Variants in CNTN4 observed in about 807,000 individuals in gnomAD.
CNTN4 encodes contactin 4.
Under a neutral mutation model 122.5 loss-of-function variants are expected in CNTN4, and 77 were observed. That is an observed-to-expected ratio of 0.63 (90% CI 0.52 to 0.76). The LOEUF (loss-of-function observed/expected upper bound fraction) is 0.76, where lower values mean the gene tolerates loss of function less well. Ranked by LOEUF, CNTN4 falls within the 30% of genes least tolerant of loss-of-function variation. The probability of loss-of-function intolerance (pLI) is 0.00; values close to 1 mark genes in which losing one functional copy is unlikely to be tolerated. For synonymous variants in CNTN4, 512 were observed against 447.0 expected (o/e 1.15, Z -1.83); for missense variants, 1,256 against 1,259.1 (o/e 1.00, Z 0.04).
chr3:2,824,385 A>C (rs2092941380), intron 7 of CNTN4, among the ~76,000 whole-genome samples: 1 of 151,548 alleles, frequency 6.6e-6, no homozygotes, highest in Non-Finnish European at 1.5e-5. Flanking sequence ...TGAACTCAGG[A>C]GGTGGAGGTT....
At chr3:2,878,925 A>T (rs966897793) in intron 8 of CNTN4, among the ~76,000 whole-genome samples, 3 of 152,226 alleles carry the variant, frequency 2.0e-5, no homozygotes, top group African/African-American at 7.2e-5. Context: ...ATATGCCCAC[A>T]CAAAGACTTG....
chr3:2,694,197 T>C (rs1344387142), intron 4 of CNTN4, among the ~76,000 whole-genome samples: 1 of 152,134 alleles, frequency 6.6e-6, no homozygotes, highest in Non-Finnish European at 1.5e-5. Context: ...AGCCATCTTG[T>C]CTAAAAACTC....
intron 3 of CNTN4, among the ~76,000 whole-genome samples, chr3:2,515,260 T>C (rs1400467994): frequency 1.3e-5 from 2 of 152,182 alleles, no homozygotes; most frequent in Admixed American, 6.6e-5. Flanking sequence ...CCCATGTTAA[T>C]TTTTAAAATA....
At chr3:2,918,296 C>T (rs1559664039) in intron 12 of CNTN4, among the ~76,000 whole-genome samples, 1 of 152,170 alleles carries the variant, frequency 6.6e-6, no homozygotes, top group Non-Finnish European at 1.5e-5. Context: ...CCTCAGGGAA[C>T]ACATTATTTG....
intron 2 of CNTN4, among the ~76,000 whole-genome samples, chr3:2,101,214 C>G (rs1023595846): frequency 2.6e-5 from 4 of 152,084 alleles, no homozygotes; most frequent in African/African-American, 9.7e-5. Context: ...AAAAGTAGGT[C>G]TTCTGATTTC....
chr3:2,766,029 T>G (rs2090842381), intron 6 of CNTN4, among the ~76,000 whole-genome samples: 1 of 152,062 alleles, frequency 6.6e-6, no homozygotes, highest in Non-Finnish European at 1.5e-5. Flanking sequence ...GAATCCTACT[T>G]TATGATGGCC....
intron 3 of CNTN4, among the ~76,000 whole-genome samples, chr3:2,388,884 G>A (rs750444114): frequency 1.3e-5 from 2 of 150,950 alleles, no homozygotes; most frequent in African/African-American, 2.4e-5. Flanking sequence ...CAGGCCAGGC[G>A]CAGTGTCTCA....
intron 14 of CNTN4, among the ~76,000 whole-genome samples, chr3:2,991,420 G>A (rs930708974): frequency 2.0e-5 from 3 of 152,164 alleles, no homozygotes; most frequent in Non-Finnish European, 2.9e-5. Flanking sequence ...TTTCTCCACA[G>A]AGGTCCTCTG....
At chr3:3,013,685 G>A (rs1174884320) in intron 14 of CNTN4, among the ~76,000 whole-genome samples, 1 of 151,242 alleles carries the variant, frequency 6.6e-6, no homozygotes, top group African/African-American at 2.4e-5. Flanking sequence ...TGATGGATAA[G>A]AAATGATTTT....
intron 16 of CNTN4, among the ~76,000 whole-genome samples, chr3:3,033,514 T>G (rs963044702): frequency 3.9e-5 from 6 of 152,214 alleles, no homozygotes; most frequent in Non-Finnish European, 8.8e-5. Flanking sequence ...AGAGGTTTCT[T>G]TTTTCCCTGT....
At chr3:2,592,006 T>C (rs559169150) in intron 4 of CNTN4, among the ~76,000 whole-genome samples, 1 of 152,146 alleles carries the variant, frequency 6.6e-6, no homozygotes, top group East Asian at 1.9e-4. Context: ...GCCTCCCTAG[T>C]ATGCTGGGAC....
intron 2 of CNTN4, among the ~76,000 whole-genome samples, chr3:2,258,056 C>T (rs866106859): frequency 2.0e-5 from 3 of 152,082 alleles, no homozygotes; most frequent in Non-Finnish European, 4.4e-5. Context: ...GAATGAGACT[C>T]CATCTCAAAA....
At position 2,479,999 on chromosome 3, in the gene CNTN4, G is replaced by C. The variant is rs981547981; in HGVS notation, c.-88-91417G>C. On this transcript the variant is annotated intron_variant, in intron 3 of 24. Coordinates refer to ENST00000418658, the MANE Select transcript of CNTN4 (RefSeq NM_175607.3). ...TCAATTAATGTAATTCATCACATCA[G>C]TAGGCTAAAGAAGAAAAATTAGACA... Among the ~76,000 whole-genome samples, 4 of 151,870 alleles carry C rather than the reference G, an allele frequency of 2.6e-5. 1 individual carries two copies. The highest frequency in any genetic ancestry group is 2.6e-4 in the Admixed American group (4 of 15,256).
chr3:2,215,747 G>A (rs2149462953), intron 2 of CNTN4, among the ~76,000 whole-genome samples: 1 of 152,002 alleles, frequency 6.6e-6, no homozygotes, highest in East Asian at 1.9e-4. Flanking sequence ...CCCAGGCGTG[G>A]TGGCATGCGC....
At chr3:2,432,276 A>G (rs780353724) in intron 3 of CNTN4, among the ~76,000 whole-genome samples, 3 of 152,168 alleles carry the variant, frequency 2.0e-5, no homozygotes, top group Admixed American at 6.5e-5. Flanking sequence ...CATGTGTCCA[A>G]TAAAATATTT....
intron 2 of CNTN4, among the ~76,000 whole-genome samples, chr3:2,274,418 G>GA (rs1254041850): frequency 2.6e-5 from 4 of 151,700 alleles, no homozygotes; most frequent in African/African-American, 9.7e-5. Flanking sequence ...AACAACCCAG[G>GA]AATCATTCTA....
intron 7 of CNTN4, among the ~76,000 whole-genome samples, chr3:2,845,648 C>T (rs546223091): frequency 2.0e-5 from 3 of 152,144 alleles, no homozygotes; most frequent in Admixed American, 6.5e-5. Context: ...ATTGCAGTTT[C>T]ATTACAGACA....
intron 2 of CNTN4, among the ~76,000 whole-genome samples, chr3:2,170,331 A>T (rs2036445868): frequency 6.7e-6 from 1 of 148,742 alleles, no homozygotes; most frequent in South Asian, 2.1e-4. Flanking sequence ...AAACAAAAAA[A>T]CAACAACAAC....
intron 3 of CNTN4, among the ~76,000 whole-genome samples, chr3:2,486,616 A>G (rs2076170518): frequency 6.6e-6 from 1 of 152,228 alleles, no homozygotes. Context: ...ATAAGACACT[A>G]AAAACCCAAC....
Sources: allele counts gnomAD v4.1 joint callset (sites outside exome capture counted in the v4.1 genomes callset), GRCh38; gene constraint gnomAD v4.1.1; transcripts MANE v1.5; gene names NCBI Gene and HGNC (gene_info 2026-07-23, HGNC 2026-07-21).